TBC1D22A: variants seen among roughly 807,000 people sequenced by gnomAD.
TBC1D22A encodes putative GTPase activator.
Under a neutral mutation model 60.2 loss-of-function variants are expected in TBC1D22A, and 38 were observed. The ratio of observed to expected loss-of-function variants is 0.63; its 90% CI spans 0.49 to 0.83. The LOEUF (loss-of-function observed/expected upper bound fraction) is 0.83. TBC1D22A is among the 40% of genes least tolerant of loss of function. TBC1D22A has a pLI of 0.00. For synonymous variants in TBC1D22A, 302 were observed against 281.7 expected (o/e 1.07, Z -0.72); for missense variants, 628 against 701.0 (o/e 0.90, Z 1.18).
chr22:47,000,717 A>T (rs1213096989), intron 10 of TBC1D22A, among the ~76,000 whole-genome samples: 1 of 152,140 alleles, frequency 6.6e-6, no homozygotes, highest in African/African-American at 2.4e-5. Flanking sequence ...GGAGTGAAAG[A>T]AAAAGGTGAG....
intron 4 of TBC1D22A, among the ~76,000 whole-genome samples, chr22:46,806,304 G>A (rs552044638): frequency 2.0e-5 from 3 of 151,148 alleles, no homozygotes; most frequent in Admixed American, 6.6e-5. Flanking sequence ...CTCATAGTCA[G>A]TGACATGGCA....
chr22:47,081,664 C>T (rs2064472465), intron 11 of TBC1D22A, among the ~76,000 whole-genome samples: 1 of 151,998 alleles, frequency 6.6e-6, no homozygotes, highest in South Asian at 2.1e-4. Context: ...TAGCAATAAA[C>T]AATTAGAAAA....
intron 11 of TBC1D22A, among the ~76,000 whole-genome samples, chr22:47,071,477 C>T (rs866062747): frequency 6.6e-6 from 1 of 152,242 alleles, no homozygotes; most frequent in African/African-American, 2.4e-5. Context: ...GCTTCTGCAG[C>T]AGCACAAGCC....
chr22:46,991,823 C>T (rs954075639), intron 9 of TBC1D22A, among the ~76,000 whole-genome samples: 1 of 152,180 alleles, frequency 6.6e-6, no homozygotes, highest in Admixed American at 6.5e-5. Context: ...GCTCGCTGCC[C>T]TCCAGCTGCC....
At chr22:47,076,351 ATATG>A (rs1243127246) in intron 11 of TBC1D22A, among the ~76,000 whole-genome samples, 6 of 119,294 alleles carry the variant, frequency 5.0e-5, no homozygotes, top group African/African-American at 2.1e-4. Flanking sequence ...GTATATATAT[ATATG>A]TGTGTGTATA....
intron 12 of TBC1D22A, among the ~76,000 whole-genome samples, chr22:47,123,364 G>A (rs1048700091): frequency 2.0e-5 from 3 of 152,214 alleles, no homozygotes; most frequent in Admixed American, 1.3e-4. Context: ...GCGCGTGGTC[G>A]GAATGGAAGG....
intron 11 of TBC1D22A, among the ~76,000 whole-genome samples, chr22:47,039,985 T>C (rs1488510890): frequency 7.3e-6 from 1 of 137,914 alleles, no homozygotes; most frequent in Non-Finnish European, 1.5e-5. Context: ...CACTCTGTTG[T>C]CCAGGCTGGA....
chr22:46,949,206 G>A (rs759915155), intron 8 of TBC1D22A, among the ~76,000 whole-genome samples: 12 of 152,166 alleles, frequency 7.9e-5, no homozygotes, highest in Admixed American at 1.3e-4. Context: ...CAAAGAAGAC[G>A]CAACATCAAG....
At chr22:46,930,685 G>A (rs2071309077) in intron 8 of TBC1D22A, among the ~76,000 whole-genome samples, 1 of 150,880 alleles carries the variant, frequency 6.6e-6, no homozygotes, top group Non-Finnish European at 1.5e-5. Context: ...GGATGGTCTC[G>A]ATCTCCTGAC....
chr22:46,962,928 C>T (rs373716035), intron 8 of TBC1D22A, among the ~76,000 whole-genome samples: 50 of 152,024 alleles, frequency 3.3e-4, no homozygotes, highest in South Asian at 1.7e-3. Context: ...AGAATCAGTG[C>T]CTGGGCCGGG....
At position 47,162,652 on chromosome 22, in the gene TBC1D22A, A is replaced by G. The variant is rs546161508; in HGVS notation, c.1426-10846A>G. Among the ~76,000 whole-genome samples the G allele has an allele frequency of 7.9e-3, 308 of 39,214 alleles. 2 individuals carry two copies. The highest frequency in any genetic ancestry group is 0.02 in the African/African-American group (244 of 12,394). 25.7% of individuals were successfully genotyped at this position (39,214 alleles called of 152,430 possible). A position where few individuals can be genotyped will look rare whatever the true frequency, so the allele number is the denominator to read the frequency against. On this transcript the variant is annotated intron_variant, in intron 12 of 12. Transcript: ENST00000337137. ...ACCCGGTGCAGGGAGAGTCGTGGGA[A>G]TGGGACTGCGGACCCGGTGCAGGGA...
chr22:46,789,442 A>G (rs1250457633), intron 1 of TBC1D22A: 1 of 398,972 alleles, frequency 2.5e-6, no homozygotes, highest in Non-Finnish European at 5.3e-6. Flanking sequence ...ATCATAGAAC[A>G]GTCAAAATGC....
At chr22:46,831,637 A>G (rs2086314593) in intron 4 of TBC1D22A, among the ~76,000 whole-genome samples, 1 of 152,232 alleles carries the variant, frequency 6.6e-6, no homozygotes, top group African/African-American at 2.4e-5. Flanking sequence ...TCCACAGAGG[A>G]ACAGAGCAGC....
At chr22:46,865,859 A>G (rs1489201468) in intron 4 of TBC1D22A, among the ~76,000 whole-genome samples, 2 of 152,210 alleles carry the variant, frequency 1.3e-5, no homozygotes, top group African/African-American at 2.4e-5. Context: ...CTGAGTAACA[A>G]TGATAAGAAC....
chr22:46,995,081 C>T (rs1010177533), intron 9 of TBC1D22A, among the ~76,000 whole-genome samples: 3 of 152,222 alleles, frequency 2.0e-5, no homozygotes, highest in Admixed American at 6.5e-5. Context: ...GCCCATTAAA[C>T]ACCGTATTTT....
At chr22:47,154,851 G>A (rs1160699079) in intron 12 of TBC1D22A, among the ~76,000 whole-genome samples, 1 of 152,236 alleles carries the variant, frequency 6.6e-6, no homozygotes, top group African/African-American at 2.4e-5. Context: ...ACCTGGCCTT[G>A]TCCTCTGGCG....
intron 10 of TBC1D22A, among the ~76,000 whole-genome samples, chr22:47,016,860 G>A (rs1011949582): frequency 2.0e-5 from 3 of 152,248 alleles, no homozygotes; most frequent in Non-Finnish European, 2.9e-5. Flanking sequence ...CTGCGTGGCT[G>A]TTGTGCTCCT....
intron 7 of TBC1D22A, among the ~76,000 whole-genome samples, chr22:46,902,859 G>A (rs1232185628): frequency 6.6e-6 from 1 of 152,264 alleles, no homozygotes; most frequent in Non-Finnish European, 1.5e-5. Context: ...GTTGAAGTGA[G>A]GGATGAAGAC....
intron 11 of TBC1D22A, among the ~76,000 whole-genome samples, chr22:47,062,855 A>G (rs2063624852): frequency 3.3e-5 from 5 of 152,260 alleles, no homozygotes; most frequent in Admixed American, 2.0e-4. Context: ...AAGAGCAGCC[A>G]TTCCAAGCAG....
Sources: gnomAD v4.1 joint callset for allele counts (sites outside exome capture counted in the v4.1 genomes callset) on GRCh38, gnomAD v4.1.1 for gene constraint, MANE v1.5 for transcripts, NCBI Gene and HGNC (gene_info 2026-07-23, HGNC 2026-07-21) for gene names.